The following DST variants were observed in gnomAD, a reference collection of about 807,000 sequenced individuals.
The protein encoded by DST is bullous pemphigoid antigen.
In DST, 253 loss-of-function variants were observed where a neutral mutation model predicts 875.2. That is an observed-to-expected ratio of 0.29 (90% confidence interval 0.26 to 0.32). DST has a LOEUF of 0.32. Among genes scored for constraint, DST ranks in the 10% least tolerant of loss-of-function variants. The pLI is 1.00. For synonymous variants in DST, 3,124 were observed against 3,197.1 expected (o/e 0.98, Z 0.77); for missense variants, 8,287 against 9,111.6 (o/e 0.91, Z 3.68).
intron 10 of DST, among the ~76,000 whole-genome samples, chr6:56,661,518 A>G (rs2099041608): frequency 6.6e-6 from 1 of 151,956 alleles, no homozygotes; most frequent in African/African-American, 2.4e-5. Flanking sequence ...CATGTTGATT[A>G]CATACTTCCT....
intron 83 of DST, among the ~76,000 whole-genome samples, chr6:56,493,662 TCTCC>T (rs1284633508): frequency 6.6e-6 from 1 of 152,050 alleles, no homozygotes; most frequent in African/African-American, 2.4e-5. Context: ...GCTTTCCCTC[TCTCC>T]CTCACCCATA....
Position 56,578,721 on chromosome 6 carries a change from C to T in DST, c.13027+93G>A. On this transcript the variant is annotated intron_variant, in intron 50 of 103. Transcript: ENST00000680361. ...AGAGAAAGAGCACATAGAACACAAT[C>T]TATAACTAGTGAACATTTTTCTCCA... The T allele has an allele frequency of 2.3e-6, 3 of 1,329,522 alleles. No individual in the cohort carries two copies. The South Asian group carries it at 4.1e-5, about 18-fold the overall frequency. 82.4% of individuals were successfully genotyped at this position (1,329,522 alleles called of 1,614,324 possible). A position where few individuals can be genotyped will look rare whatever the true frequency, so the allele number is the denominator to read the frequency against.
At chr6:56,627,061 A>G in intron 34 of DST, 143 bp downstream of exon 34, 1 of 698,570 alleles carries the variant, frequency 1.4e-6, no homozygotes, top group South Asian at 1.7e-5. Flanking sequence ...CTAATTTCAC[A>G]AAGAATTATT....
Position 56,640,066 on chromosome 6 carries a change from A to C in DST, c.2491-9T>G, listed in dbSNP as rs201556034. ...GTGCGGTCCAGTTGTACCTTCAGACAGTAAAATACTAAGTTTAAAAAAGAA... is the reference window on the plus strand; with the variant it reads ...GTGCGGTCCAGTTGTACCTTCAGACCGTAAAATACTAAGTTTAAAAAAGAA... On this transcript the variant is annotated splice_polypyrimidine_tract_variant and intron_variant, in intron 18 of 103. Transcript: ENST00000680361. 1 of 1,614,108 alleles carries C rather than the reference A, an allele frequency of 6.2e-7. No individual in the cohort carries two copies. Among genetic ancestry groups the C allele is most frequent in the Non-Finnish European group, 8.5e-7 (1 of 1,179,970 alleles).
chr6:56,795,052 C>G (rs1051793094), intron 4 of DST, among the ~76,000 whole-genome samples: 8 of 152,016 alleles, frequency 5.3e-5, no homozygotes, highest in Non-Finnish European at 8.8e-5. Context: ...TAGGAAAAAC[C>G]AGGAGGCCAA....
At chr6:56,821,976 C>CAT (rs35571216) in intron 4 of DST, among the ~76,000 whole-genome samples, 23,303 of 151,918 alleles carry the variant, frequency 0.15, 2,026 homozygotes, top group Non-Finnish European at 0.18. Flanking sequence ...ACTTTATCCA[C>CAT]GTTTATTAAG....
intron 72 of DST, among the ~76,000 whole-genome samples, chr6:56,511,772 A>G (rs992329609): frequency 6.6e-6 from 1 of 152,188 alleles, no homozygotes; most frequent in Admixed American, 6.5e-5. Context: ...ACACCAAGTC[A>G]TATCTGATGG....
intron 2 of DST, among the ~76,000 whole-genome samples, chr6:56,925,373 C>T (rs901676004): frequency 2.0e-5 from 3 of 152,176 alleles, no homozygotes; most frequent in Non-Finnish European, 4.4e-5. Context: ...GAGCATATGA[C>T]TTTTCTCACC....
chr6:56,845,568 A>G (rs74777312), intron 4 of DST, among the ~76,000 whole-genome samples: 25,887 of 152,258 alleles, frequency 0.17, 2,449 homozygotes, highest in African/African-American at 0.2. Context: ...ATGCATTTGT[A>G]TGCACATTAG....
chr6:56,477,596 T>C, intron 90 of DST, 108 bp from the exon 91 acceptor site: 1 of 1,414,076 alleles, frequency 7.1e-7, no homozygotes, highest in South Asian at 1.3e-5. Context: ...AAAACTTCAA[T>C]TGGTTTATTC....
rs770419341 is a variant in DST at position 56,553,266 on chromosome 6, C to T, written c.15526G>A (p.Glu5176Lys). ...TTGTCTATCCATGGCCAGAGAGTCT[C>T]TACTTGCTCTTTATACTTAAGGGCT... is the stretch of plus-strand genomic sequence containing the variant. ...EKALKYKEQV[E>K]TLWPWIDKCQ... is the part of the protein sequence containing the mutation. Residue 5176 changes from glutamate (E) to lysine (K), a missense_variant, in exon 61 of 104, where the codon GAG becomes AAG. Physicochemically the swap from Glu to Lys is moderately conservative, Grantham distance 56 (BLOSUM62 1). Around this residue, in one of 10 missense-constraint regions of DST, gnomAD observed 1,513 missense variants for 1,677.8 expected, o/e 0.90. Transcript: ENST00000680361. The T allele has an allele frequency of 3.1e-6, 5 of 1,613,730 alleles. No homozygotes were observed. The highest frequency in any genetic ancestry group is 1.1e-5 in the South Asian group (1 of 91,078).
chr6:56,842,979 C>G (rs1256776578), intron 4 of DST: 7 of 1,283,706 alleles, frequency 5.5e-6, no homozygotes, highest in Non-Finnish European at 7.0e-6. Context: ...GGAGTGGTGG[C>G]TCTGATTAAG....
chr6:56,762,509 C>T (rs1184699472), intron 4 of DST, among the ~76,000 whole-genome samples: 5 of 152,212 alleles, frequency 3.3e-5, no homozygotes, highest in African/African-American at 1.2e-4. Flanking sequence ...ACAATTCGTA[C>T]TGCATCCCTT....
At chr6:56,778,896 C>T (rs2099685699) in intron 4 of DST, among the ~76,000 whole-genome samples, 1 of 151,952 alleles carries the variant, frequency 6.6e-6, no homozygotes, top group South Asian at 2.1e-4. Context: ...TGGGTATATA[C>T]CCAGTAATGG....
intron 1 of DST, 80 bp from the exon 2 acceptor site, chr6:56,953,899 G>C (rs1823755251): frequency 9.2e-7 from 1 of 1,082,120 alleles, no homozygotes. Context: ...TTACCTGGGA[G>C]ACCAGGGTTG....
chr6:56,694,971 A>G (rs1206456034), intron 9 of DST, among the ~76,000 whole-genome samples: 1 of 151,952 alleles, frequency 6.6e-6, no homozygotes, highest in East Asian at 1.9e-4. Flanking sequence ...TAATAAAAAT[A>G]GAAAAATTAG....
At chr6:56,542,530 G>A (rs1394267055) in intron 61 of DST, 2 of 150,770 alleles carry the variant, frequency 1.3e-5, no homozygotes, top group African/African-American at 4.9e-5. Context: ...GCAACGAAGA[G>A]CTCCGCGGCT....
At chr6:56,597,606 T>C in intron 47 of DST, 134 bp downstream of exon 47, 5 of 816,714 alleles carry the variant, frequency 6.1e-6, no homozygotes, top group Non-Finnish European at 9.2e-6. Context: ...TAATAATTTA[T>C]ATCTGACATG....
intron 10 of DST, among the ~76,000 whole-genome samples, chr6:56,667,009 A>G (rs2099075614): frequency 6.6e-6 from 1 of 152,294 alleles, no homozygotes; most frequent in African/African-American, 2.4e-5. Flanking sequence ...TAAAAAAAAA[A>G]ACTCCAAAGA....
Sources: allele counts gnomAD v4.1 joint callset (sites outside exome capture counted in the v4.1 genomes callset), GRCh38; gene constraint gnomAD v4.1.1; regional missense constraint gnomAD v4.1.1; transcripts MANE v1.5; gene names NCBI Gene and HGNC (gene_info 2026-07-23, HGNC 2026-07-21).